Variants in KLHL2 observed in about 807,000 individuals in gnomAD.
KLHL2 encodes kelch like family member 2, also known as kelch-like protein 2.
KLHL2 carries 15 observed loss-of-function variants against 75.8 expected under a neutral mutation model. The observed-to-expected ratio is 0.20, with a 90% CI of 0.13 to 0.30. The LOEUF is 0.30. KLHL2 is among the 10% of genes least tolerant of loss of function. The pLI is 1.00. For synonymous variants in KLHL2, 214 were observed against 251.9 expected (o/e 0.85, Z 1.42); for missense variants, 381 against 741.0 (o/e 0.51, Z 5.64).
At chr4:165,217,920 C>G (rs1737661769) in intron 1 of KLHL2, among the ~76,000 whole-genome samples, 1 of 152,182 alleles carries the variant, frequency 6.6e-6, no homozygotes, top group African/African-American at 2.4e-5. Flanking sequence ...CACCTGCAGC[C>G]TTCTTCATCT....
intron 4 of KLHL2, among the ~76,000 whole-genome samples, chr4:165,244,088 A>C (rs371088437): frequency 6.6e-6 from 1 of 152,178 alleles, no homozygotes; most frequent in Non-Finnish European, 1.5e-5. Flanking sequence ...GAACTGAGAC[A>C]CTTGAAATCT....
chr4:165,208,349 T>G (rs972214521), intron 1 of KLHL2: 1 of 152,740 alleles, frequency 6.5e-6, no homozygotes, highest in African/African-American at 2.4e-5. Context: ...GTTGCTTGAT[T>G]CCCCGAATTT....
chr4:165,261,194 A>G (rs935415688), intron 4 of KLHL2, among the ~76,000 whole-genome samples: 3 of 152,232 alleles, frequency 2.0e-5, no homozygotes, highest in Non-Finnish European at 2.9e-5. Context: ...TCAGAGCGCA[A>G]TTACACTGGC....
chr4:165,235,402 T>C (rs1739256445), intron 3 of KLHL2, among the ~76,000 whole-genome samples: 1 of 152,222 alleles, frequency 6.6e-6, no homozygotes, highest in African/African-American at 2.4e-5. Flanking sequence ...GGTTTCGCCA[T>C]GTTGGCCAGG....
At chr4:165,243,257 T>C (rs1739966182) in intron 4 of KLHL2, among the ~76,000 whole-genome samples, 1 of 152,254 alleles carries the variant, frequency 6.6e-6, no homozygotes, top group Admixed American at 6.5e-5. Context: ...TGAGTTTGAC[T>C]TCTCCGCCTT....
chr4:165,302,047 T>C (rs1457706600), intron 8 of KLHL2, among the ~76,000 whole-genome samples: 1 of 152,218 alleles, frequency 6.6e-6, no homozygotes, highest in African/African-American at 2.4e-5. Context: ...TTTAGATTTC[T>C]CAGTTCTCTA....
At chr4:165,312,386 C>G (rs1746271245) in intron 11 of KLHL2, among the ~76,000 whole-genome samples, 1 of 151,846 alleles carries the variant, frequency 6.6e-6, no homozygotes, top group Non-Finnish European at 1.5e-5. Flanking sequence ...TACTTTGTCT[C>G]CCAACAGAAG....
At chr4:165,311,283 T>G (rs919037410) in intron 10 of KLHL2, among the ~76,000 whole-genome samples, 181 bp from the exon 11 acceptor site, 1 of 152,228 alleles carries the variant, frequency 6.6e-6, no homozygotes, top group African/African-American at 2.4e-5. Context: ...ATCAGTAGCT[T>G]AGGTAGGAGC....
At chr4:165,243,679 A>G (rs1010736519) in intron 4 of KLHL2, among the ~76,000 whole-genome samples, 1 of 152,248 alleles carries the variant, frequency 6.6e-6, no homozygotes, top group Non-Finnish European at 1.5e-5. Context: ...TAGTGTGTCC[A>G]TTTTATTGGT....
At chr4:165,209,192 C>T (rs116176241) in intron 1 of KLHL2, among the ~76,000 whole-genome samples, 3,252 of 152,236 alleles carry the variant, frequency 0.021, 102 homozygotes, top group African/African-American at 0.073. Context: ...TCATGTTCTT[C>T]AGCAGGCTGG....
At chr4:165,235,637 TCA>T (rs1739282163) in intron 3 of KLHL2, among the ~76,000 whole-genome samples, 1 of 152,210 alleles carries the variant, frequency 6.6e-6, no homozygotes, top group Non-Finnish European at 1.5e-5. Flanking sequence ...ATCCCTGTTC[TCA>T]GTGAGCTTAA....
intron 6 of KLHL2, among the ~76,000 whole-genome samples, chr4:165,294,812 A>C (rs573947955): frequency 6.6e-6 from 1 of 152,212 alleles, no homozygotes; most frequent in Non-Finnish European, 1.5e-5. Context: ...GTTTCTTCCT[A>C]CAACTCAATG....
intron 1 of KLHL2, among the ~76,000 whole-genome samples, chr4:165,209,717 A>C (rs1473446360): frequency 6.6e-6 from 1 of 152,232 alleles, no homozygotes; most frequent in Non-Finnish European, 1.5e-5. Context: ...GGATGAAAGA[A>C]TTGTTAAAAC....
At chr4:165,236,885 G>A (rs1322523744) in intron 3 of KLHL2, among the ~76,000 whole-genome samples, 1 of 151,536 alleles carries the variant, frequency 6.6e-6, no homozygotes, top group East Asian at 1.9e-4. Context: ...GCATCTTATA[G>A]CAATACCTTA....
intron 6 of KLHL2, among the ~76,000 whole-genome samples, chr4:165,296,960 G>A (rs1744960701): frequency 6.6e-6 from 1 of 151,894 alleles, no homozygotes; most frequent in South Asian, 2.1e-4. Flanking sequence ...TTGCCAAAAT[G>A]TAAGCTGATC....
In KLHL2 at chr4:165,311,815, G is replaced by A. The variant is rs916845219; in HGVS notation, c.1339+250G>A. Among the ~76,000 whole-genome samples, 13 of 116,164 alleles carry A rather than the reference G, an allele frequency of 1.1e-4. No individual in the cohort carries two copies. In the South Asian group the frequency reaches 3.2e-3, roughly 28 times the overall value. 76.2% of individuals were successfully genotyped at this position (116,164 alleles called of 152,430 possible). ...TATCCCTCCTCCTTTCTCTCTGTGT[G>A]TGTGTGTGTGTGTGTGTGTGTGTGT... On this transcript the variant is annotated intron_variant, in intron 11 of 14. Transcript: ENST00000226725.
At chr4:165,213,578 C>G (rs931284224) in intron 1 of KLHL2, among the ~76,000 whole-genome samples, 1 of 152,118 alleles carries the variant, frequency 6.6e-6, no homozygotes, top group African/African-American at 2.4e-5. Context: ...CGTTGCATTC[C>G]TATGGTGTTT....
chr4:165,232,031 T>G (rs1000999283), intron 3 of KLHL2, among the ~76,000 whole-genome samples: 1 of 152,256 alleles, frequency 6.6e-6, no homozygotes, highest in Non-Finnish European at 1.5e-5. Context: ...TCTTTCTATA[T>G]GCTTATTATT....
At chr4:165,226,657 C>T (rs1003841939) in intron 2 of KLHL2, among the ~76,000 whole-genome samples, 5 of 152,000 alleles carry the variant, frequency 3.3e-5, no homozygotes, top group African/African-American at 1.2e-4. Context: ...TGCTTAAAAC[C>T]CACTAAAATT....
Sources: gnomAD v4.1 joint callset for allele counts (sites outside exome capture counted in the v4.1 genomes callset) on GRCh38, gnomAD v4.1.1 for gene constraint, MANE v1.5 for transcripts, NCBI Gene and HGNC (gene_info 2026-07-23, HGNC 2026-07-21) for gene names.